Variants in THSD7B observed in about 807,000 individuals in gnomAD.
The protein encoded by THSD7B is thrombospondin type 1 domain containing 7B, also known as thrombospondin type-1 domain-containing protein 7B.
In THSD7B, 138 loss-of-function variants were observed where a neutral mutation model predicts 213.6. The ratio of observed to expected loss-of-function variants is 0.65; its 90% CI spans 0.56 to 0.74. The LOEUF (loss-of-function observed/expected upper bound fraction) is 0.74, where lower values mean the gene tolerates loss of function less well. Among genes scored for constraint, THSD7B ranks in the 30% least tolerant of loss-of-function variants. THSD7B has a pLI of 0.00. For synonymous variants in THSD7B, 742 were observed against 687.0 expected (o/e 1.08, Z -1.25); for missense variants, 1,931 against 1,991.5 (o/e 0.97, Z 0.58).
chr2:137,240,500 ACT>A lies in THSD7B; in HGVS notation c.2151-1944_2151-1943del, dbSNP rs554154408. ...CTCCCTCCTTCCTTCTTTTTCTCTC[ACT>A]CTCTCTCTCTCTGTTTCTTTTTTAG... On this transcript the variant is annotated intron_variant, in intron 9 of 27. Coordinates refer to ENST00000409968, the MANE Select transcript of THSD7B (RefSeq NM_001316349.2). Among the ~76,000 whole-genome samples, 27 of 143,296 alleles carry A rather than the reference ACT, an allele frequency of 1.9e-4. No individual in the cohort carries two copies. The South Asian group carries it at 2.4e-3, about 13-fold the overall frequency. 94.0% of individuals were successfully genotyped at this position (143,296 alleles called of 152,430 possible).
At chr2:137,055,016 G>C (rs1239034559) in intron 2 of THSD7B, among the ~76,000 whole-genome samples, 1 of 152,124 alleles carries the variant, frequency 6.6e-6, no homozygotes, top group African/African-American at 2.4e-5. Flanking sequence ...CCACTTATGA[G>C]TGAGAACATG....
intron 1 of THSD7B, among the ~76,000 whole-genome samples, chr2:136,788,694 A>G (rs1681911716): frequency 6.6e-6 from 1 of 152,194 alleles, no homozygotes; most frequent in Non-Finnish European, 1.5e-5. Flanking sequence ...TGCCTTAATT[A>G]CAAACCTTAA....
chr2:137,208,045 G>C (rs1428699038), intron 7 of THSD7B, among the ~76,000 whole-genome samples: 1 of 152,054 alleles, frequency 6.6e-6, no homozygotes, highest in Non-Finnish European at 1.5e-5. Flanking sequence ...GGGAGGAAGA[G>C]AGTTTTTAAT....
intron 10 of THSD7B, among the ~76,000 whole-genome samples, chr2:137,257,710 C>T (rs2105079258): frequency 6.6e-6 from 1 of 152,292 alleles, no homozygotes; most frequent in Non-Finnish European, 1.5e-5. Flanking sequence ...TCCTAACTGG[C>T]TTTGAGTTTT....
chr2:137,063,223 A>T (rs1412974591), intron 3 of THSD7B, among the ~76,000 whole-genome samples: 1 of 151,862 alleles, frequency 6.6e-6, no homozygotes, highest in African/African-American at 2.4e-5. Flanking sequence ...GATGCTGTTT[A>T]TTATTCACTC....
rs373975903 is a variant in THSD7B at position 137,552,873 on chromosome 2, G to A, written c.3139-10348G>A. 1.1e-4 allele frequency among the ~76,000 whole-genome samples: 16 copies of A among 152,036 alleles called. No homozygotes were observed. In the South Asian group the frequency reaches 1.5e-3, roughly 14 times the overall value. On this transcript the variant is annotated intron_variant, in intron 15 of 27. Transcript: ENST00000409968. Reference sequence around the variant, plus strand: ...AGAGTATAGCCCAGAGAACCCATGTGGGGGGAAAGTGTGAGCCATGAATGA... The same window carrying A: ...AGAGTATAGCCCAGAGAACCCATGTAGGGGGAAAGTGTGAGCCATGAATGA...
chr2:137,325,634 C>T (rs1684353496), intron 12 of THSD7B, among the ~76,000 whole-genome samples: 1 of 152,000 alleles, frequency 6.6e-6, no homozygotes, highest in Admixed American at 6.5e-5. Flanking sequence ...TAGCACAGTG[C>T]CCGATACTCT....
chr2:137,167,457 C>T (rs888830016), intron 6 of THSD7B, among the ~76,000 whole-genome samples: 5 of 152,052 alleles, frequency 3.3e-5, no homozygotes, highest in South Asian at 4.1e-4. Flanking sequence ...CCAATGGAGT[C>T]GGTGTTGAGA....
chr2:137,120,437 A>G (rs1688525965), intron 5 of THSD7B, among the ~76,000 whole-genome samples: 1 of 150,984 alleles, frequency 6.6e-6, no homozygotes, highest in Non-Finnish European at 1.5e-5. Flanking sequence ...AAGAAAAAGA[A>G]GGGGAAGGAG....
chr2:137,412,623 A>AAAAAAAAAC (rs1573611118), intron 14 of THSD7B, among the ~76,000 whole-genome samples: 13 of 126,326 alleles, frequency 1.0e-4, no homozygotes, highest in East Asian at 6.8e-4. Flanking sequence ...AAAAAAAACA[A>AAAAAAAAAC]AAAACAGTTT....
intron 2 of THSD7B, among the ~76,000 whole-genome samples, chr2:136,954,766 CTTA>C: frequency 6.9e-6 from 1 of 144,400 alleles, no homozygotes; most frequent in African/African-American, 2.6e-5. Flanking sequence ...TACTGTTTAT[CTTA>C]TTGTTTCTTT....
chr2:137,589,092 T>C (rs1387679356), intron 17 of THSD7B, among the ~76,000 whole-genome samples: 1 of 152,194 alleles, frequency 6.6e-6, no homozygotes, highest in Admixed American at 6.6e-5. Context: ...ATGTTGTCCT[T>C]TTAAAATCAA....
chr2:136,851,592 C>T (rs1489191684), intron 1 of THSD7B, among the ~76,000 whole-genome samples: 1 of 152,142 alleles, frequency 6.6e-6, no homozygotes, highest in Admixed American at 6.6e-5. Flanking sequence ...TGGAAATTAG[C>T]TGATCTGGGC....
At chr2:136,933,145 T>TCCC in intron 2 of THSD7B, among the ~76,000 whole-genome samples, 1 of 79,302 alleles carries the variant, frequency 1.3e-5, no homozygotes, top group African/African-American at 3.2e-5. Flanking sequence ...CCTTCCTTCC[T>TCCC]TCCTTCCTTC....
At chr2:136,921,935 G>C (rs1317517994) in intron 2 of THSD7B, among the ~76,000 whole-genome samples, 1 of 152,218 alleles carries the variant, frequency 6.6e-6, no homozygotes, top group Non-Finnish European at 1.5e-5. Context: ...GGAGAAGATA[G>C]AGCCTGGGAT....
chr2:136,882,409 G>A (rs1683641634), intron 2 of THSD7B, 92 bp downstream of exon 2: 1 of 1,271,776 alleles, frequency 7.9e-7, no homozygotes, highest in African/African-American at 1.6e-5. Context: ...AAAGTAGTGG[G>A]AAATATCCAG....
At chr2:137,198,162 A>T (rs1171649866) in intron 7 of THSD7B, among the ~76,000 whole-genome samples, 1 of 152,226 alleles carries the variant, frequency 6.6e-6, no homozygotes, top group African/African-American at 2.4e-5. Context: ...ATAGTCATTT[A>T]TCAGAAATTC....
rs773677139 is a variant in THSD7B at position 136,954,740 on chromosome 2, T to TAAAAAAAAAAAAAAAAAAAAAAAAAAAG, written c.139+72424_139+72425insAAAAAAAAAAAAAAAAAAAAAAAAAAGA. Among the ~76,000 whole-genome samples, 38 of 137,470 alleles carry TAAAAAAAAAAAAAAAAAAAAAAAAAAAG rather than the reference T, an allele frequency of 2.8e-4. 5 individuals carry two copies. Among genetic ancestry groups the TAAAAAAAAAAAAAAAAAAAAAAAAAAAG allele is most frequent in the African/African-American group, 1.1e-3 (37 of 32,318 alleles). 90.2% of individuals were successfully genotyped at this position (137,470 alleles called of 152,430 possible). A position where few individuals can be genotyped will look rare whatever the true frequency, so the allele number is the denominator to read the frequency against. ...AAAAAAAAAAAAAAAAAAAAGAAATTACATAAGAGCTTTTATACTGTTTAT... is the reference window on the plus strand; with the variant it reads ...AAAAAAAAAAAAAAAAAAAAGAAATTAAAAAAAAAAAAAAAAAAAAAAAAAAAGACATAAGAGCTTTTATACTGTTTAT... On this transcript the variant is annotated intron_variant, in intron 2 of 27. Transcript: ENST00000409968.
At chr2:136,983,088 A>AC (rs1685610858) in intron 2 of THSD7B, among the ~76,000 whole-genome samples, 1 of 151,850 alleles carries the variant, frequency 6.6e-6, no homozygotes, top group South Asian at 2.1e-4. Context: ...TAAAAAAAAA[A>AC]ACATTTCTAA....
Sources: allele counts gnomAD v4.1 joint callset (sites outside exome capture counted in the v4.1 genomes callset), GRCh38; gene constraint gnomAD v4.1.1; transcripts MANE v1.5; gene names NCBI Gene and HGNC (gene_info 2026-07-23, HGNC 2026-07-21).